The following VEZT variants were observed in gnomAD, a reference collection of about 807,000 sequenced individuals.
VEZT encodes the protein vezatin, adherens junctions transmembrane protein.
A neutral mutation model predicts 79.9 loss-of-function variants in VEZT; 39 were observed. The ratio of observed to expected loss-of-function variants is 0.49; its 90% CI spans 0.38 to 0.64. The LOEUF is 0.64. Among genes scored for constraint, VEZT ranks in the 30% least tolerant of loss-of-function variants. The pLI is 0.00. For synonymous variants in VEZT, 325 were observed against 327.6 expected (o/e 0.99, Z 0.09); for missense variants, 837 against 893.1 (o/e 0.94, Z 0.80).
At chr12:95,222,871 T>C (rs963627999) in intron 1 of VEZT, among the ~76,000 whole-genome samples, 2 of 152,174 alleles carry the variant, frequency 1.3e-5, no homozygotes, top group Admixed American at 6.5e-5. Context: ...AGGACTGATT[T>C]TACAAAATGA....
intron 1 of VEZT, among the ~76,000 whole-genome samples, chr12:95,235,659 G>A (rs9706167): frequency 0.27 from 35,648 of 133,336 alleles, 6,507 homozygotes; most frequent in African/African-American, 0.44. Flanking sequence ...GCGGCTGGCC[G>A]GGCGGGGGGC....
At chr12:95,225,077 G>A (rs905990330) in intron 1 of VEZT, among the ~76,000 whole-genome samples, 8 of 152,186 alleles carry the variant, frequency 5.3e-5, no homozygotes, top group Non-Finnish European at 1.2e-4. Flanking sequence ...ACAGGCCATG[G>A]ACCGGTACCA....
chr12:95,302,672 A>C lies in VEZT; in HGVS notation c.*1999A>C, dbSNP rs2075335454. On this transcript the variant is annotated 3_prime_UTR_variant, in exon 12 of 12. Coordinates refer to ENST00000436874, the MANE Select transcript of VEZT (RefSeq NM_017599.4). ...TGTATTAGTGGGGTAACTACATCAAAATAAATAAAGTCTTATTTTTAAAAT... is the reference window on the plus strand; with the variant it reads ...TGTATTAGTGGGGTAACTACATCAACATAAATAAAGTCTTATTTTTAAAAT... The C allele has an allele frequency of 6.6e-6, 1 of 152,202 alleles. No individual in the cohort carries two copies. Among genetic ancestry groups the C allele is most frequent in the African/African-American group, 2.4e-5 (1 of 41,460 alleles). 9.4% of individuals were successfully genotyped at this position (152,202 alleles called of 1,614,324 possible).
chr12:95,278,879 A>G (rs1431949579), intron 7 of VEZT, among the ~76,000 whole-genome samples: 5 of 152,110 alleles, frequency 3.3e-5, no homozygotes, highest in African/African-American at 1.2e-4. Context: ...AACCAGCCTG[A>G]CCAACATGGA....
At chr12:95,264,848 C>G (rs970278424) in intron 4 of VEZT, among the ~76,000 whole-genome samples, 2 of 150,624 alleles carry the variant, frequency 1.3e-5, no homozygotes, top group African/African-American at 2.4e-5. Flanking sequence ...CCCCCTTATA[C>G]TCCCCTCTTT....
intron 3 of VEZT, among the ~76,000 whole-genome samples, chr12:95,259,191 G>GTT (rs71078691): frequency 3.5e-4 from 52 of 147,682 alleles, no homozygotes; most frequent in African/African-American, 1.1e-3. Flanking sequence ...AATACTTTCT[G>GTT]TTTTTTTTTT....
chr12:95,296,158 A>G lies in VEZT; in HGVS notation c.1731A>G (p.Glu577=). ...AAGAGAGACAGAAGCGTGAGCATGA[A>G]GAATCCAAGAGGGTGCTCCAAGAAT... is the stretch of plus-strand genomic sequence containing the variant. The part of the protein sequence containing the change: ...EDKERQKREH[E]ESKRVLQELK... The change falls in exon 11 of 12, where the codon GAA becomes GAG. Residue 577 remains glutamate (E), a synonymous_variant. Transcript: ENST00000436874. 2 of 1,576,020 alleles carry G rather than the reference A, an allele frequency of 1.3e-6. No individual in the cohort carries two copies. Among genetic ancestry groups the G allele is most frequent in the African/African-American group, 2.7e-5 (2 of 74,390 alleles).
chr12:95,298,120 A>C lies in VEZT; in HGVS notation c.1831+1862A>C, dbSNP rs186845352. Among the ~76,000 whole-genome samples the C allele has an allele frequency of 6.1e-3, 914 of 150,282 alleles. 14 individuals carry two copies. Among genetic ancestry groups the C allele is most frequent in the African/African-American group, 0.021 (863 of 40,798 alleles). The stretch of plus-strand genomic sequence containing the variant: ...GGGTGACAGAGTGAGACTCTCTCTC[A>C]AAAAATAATAATAATAATAATAATA... On this transcript the variant is annotated intron_variant, in intron 11 of 11. Transcript: ENST00000436874.
intron 11 of VEZT, 40 bp from the exon 12 acceptor site, chr12:95,300,125 T>G: frequency 8.1e-7 from 1 of 1,234,384 alleles, no homozygotes; most frequent in East Asian, 2.7e-5. Flanking sequence ...TGCTAGGTCC[T>G]TAGTTATTTT....
intron 3 of VEZT, among the ~76,000 whole-genome samples, chr12:95,261,421 AT>A (rs1417508168): frequency 6.6e-6 from 1 of 151,510 alleles, no homozygotes; most frequent in Non-Finnish European, 1.5e-5. Flanking sequence ...TTTTATTTTT[AT>A]TTTTTTTGAG....
chr12:95,255,084 A>G (rs1284668660), intron 2 of VEZT, among the ~76,000 whole-genome samples: 1 of 151,752 alleles, frequency 6.6e-6, no homozygotes, highest in Non-Finnish European at 1.5e-5. Flanking sequence ...CTTGTTAGAC[A>G]TTTTCTTCTA....
chr12:95,260,311 G>C (rs183354040), intron 3 of VEZT, among the ~76,000 whole-genome samples: 1 of 152,054 alleles, frequency 6.6e-6, no homozygotes, highest in Admixed American at 6.6e-5. Context: ...TCACTCTGTT[G>C]GCCATGCTGG....
intron 2 of VEZT, among the ~76,000 whole-genome samples, chr12:95,253,752 T>C (rs1048136292): frequency 6.6e-5 from 10 of 152,152 alleles, no homozygotes; most frequent in Non-Finnish European, 1.3e-4. Flanking sequence ...GAGTTTAAAA[T>C]TGAATCCCCT....
At chr12:95,256,622 G>A in intron 2 of VEZT, 4 of 1,287,074 alleles carry the variant, frequency 3.1e-6, no homozygotes, top group Non-Finnish European at 4.1e-6. Flanking sequence ...GGGCTATTAA[G>A]GTAAATTGAA....
At position 95,263,061 on chromosome 12, in the gene VEZT, C is replaced by T; in HGVS notation, c.414C>T (p.Ser138=). ...QENGHLPTLC[S]LATPNIWDLS... The stretch of plus-strand genomic sequence containing the variant: ...ATGGACACCTTCCAACACTTTGCTC[C>T]CTGGCAACCCCTAATATTTGGTACT... Residue 138 remains serine, a synonymous_variant, in exon 4 of 12, where the codon TCC becomes TCT. Transcript: ENST00000436874. 1 of 1,608,650 alleles carries T rather than the reference C, an allele frequency of 6.2e-7. No individual in the cohort carries two copies. Among genetic ancestry groups the T allele is most frequent in the Non-Finnish European group, 8.5e-7 (1 of 1,175,952 alleles).
At chr12:95,292,595 CT>C (rs1369071458) in intron 9 of VEZT, among the ~76,000 whole-genome samples, 1 of 148,948 alleles carries the variant, frequency 6.7e-6, no homozygotes, top group Non-Finnish European at 1.5e-5. Flanking sequence ...GTCGCCCAGG[CT>C]GGAGTGCAGT....
chr12:95,226,308 G>A (rs2058478164), intron 1 of VEZT, among the ~76,000 whole-genome samples: 1 of 151,880 alleles, frequency 6.6e-6, no homozygotes, highest in Non-Finnish European at 1.5e-5. Context: ...TTGGAAGAAG[G>A]ATTATAGAAT....
intron 6 of VEZT, among the ~76,000 whole-genome samples, chr12:95,271,713 T>C (rs1248507434): frequency 6.6e-6 from 1 of 152,230 alleles, no homozygotes; most frequent in African/African-American, 2.4e-5. Context: ...CCCTGCCTTA[T>C]GGAGCTTGTA....
intron 3 of VEZT, among the ~76,000 whole-genome samples, chr12:95,258,813 C>G (rs1174066739): frequency 6.6e-6 from 1 of 152,084 alleles, no homozygotes; most frequent in Non-Finnish European, 1.5e-5. Context: ...CCATGATATC[C>G]AAAGTGATTA....
Sources: gnomAD v4.1 joint callset for allele counts (sites outside exome capture counted in the v4.1 genomes callset) on GRCh38, gnomAD v4.1.1 for gene constraint, MANE v1.5 for transcripts, NCBI Gene and HGNC (gene_info 2026-07-23, HGNC 2026-07-21) for gene names.